The following DLGAP4 variants were observed in gnomAD, a reference collection of about 807,000 sequenced individuals.
The protein encoded by DLGAP4 is DLG associated protein 4.
Under a neutral mutation model 86.9 loss-of-function variants are expected in DLGAP4, and 18 were observed. That is an observed-to-expected ratio of 0.21 (90% CI 0.14 to 0.31). The LOEUF is 0.31. Among genes scored for constraint, DLGAP4 ranks in the 10% least tolerant of loss-of-function variants. The pLI is 1.00. For synonymous variants in DLGAP4, 548 were observed against 574.3 expected, an observed-to-expected ratio of 0.95 and a Z score of 0.65; for missense variants, 1,085 against 1,362.6, an observed-to-expected ratio of 0.80 and a Z score of 3.21.
chr20:36,420,709 C>T (rs1168348988), intron 2 of DLGAP4, among the ~76,000 whole-genome samples: 1 of 152,130 alleles, frequency 6.6e-6, no homozygotes, highest in Non-Finnish European at 1.5e-5. Flanking sequence ...TGTGGTAGCT[C>T]ACACCTGTAA....
chr20:36,461,895 C>T (rs906121942), intron 7 of DLGAP4: 2 of 984,968 alleles, frequency 2.0e-6, no homozygotes, highest in African/African-American at 3.5e-5. Context: ...CTCCCTCGCT[C>T]CCCATCTCGG....
intron 1 of DLGAP4, among the ~76,000 whole-genome samples, chr20:36,366,692 C>T (rs1394934735): frequency 2.6e-5 from 4 of 152,156 alleles, no homozygotes; most frequent in Admixed American, 6.5e-5. Flanking sequence ...ATGACTCCTA[C>T]CCCTTTCCCA....
In DLGAP4 at chr20:36,350,507, C is replaced by A. The variant is rs183341454; in HGVS notation, c.-303-16538C>A. On this transcript the variant is annotated intron_variant, in intron 1 of 12. Transcript: ENST00000339266. The surrounding 1 kb of genome is among the most constrained non-coding windows in gnomAD (Gnocchi z 4.4). ...TGCAGGTGCTTAATGAAAATGCATGCCTCACTTCCCTGGACTGTGAAATGG... is the reference window on the plus strand; with the variant it reads ...TGCAGGTGCTTAATGAAAATGCATGACTCACTTCCCTGGACTGTGAAATGG... Among the ~76,000 whole-genome samples the A allele has an allele frequency of 1.3e-5, 2 of 152,336 alleles. No homozygotes were observed. Among genetic ancestry groups the A allele is most frequent in the East Asian group, 3.9e-4 (2 of 5,184 alleles).
chr20:36,383,891 C>G lies in DLGAP4; in HGVS notation c.-73+16616C>G, dbSNP rs571334415. 5.2e-4 allele frequency among the ~76,000 whole-genome samples: 79 copies of G among 151,044 alleles called. No individual in the cohort carries two copies. The Middle Eastern group carries it at 0.01, about 20-fold the overall frequency. On this transcript the variant is annotated intron_variant, in intron 2 of 12. Transcript: ENST00000339266. ...TCGGGAGGCTGAGGCAGGAGAATGGCGTGAACCCGGGAGGCGGAGCTTGCA... is the reference window on the plus strand; with the variant it reads ...TCGGGAGGCTGAGGCAGGAGAATGGGGTGAACCCGGGAGGCGGAGCTTGCA...
At chr20:36,429,418 T>C (rs1320252879) in intron 2 of DLGAP4, among the ~76,000 whole-genome samples, 1 of 146,354 alleles carries the variant, frequency 6.8e-6, no homozygotes, top group Non-Finnish European at 1.5e-5. Context: ...TTTTTTTTTT[T>C]TTTTGAGACA....
At chr20:36,419,760 G>A (rs1041049073) in intron 2 of DLGAP4, among the ~76,000 whole-genome samples, 5 of 152,304 alleles carry the variant, frequency 3.3e-5, no homozygotes, top group South Asian at 4.1e-4. Context: ...ACAACATGGC[G>A]GCTAACTTCT....
At position 36,499,274 on chromosome 20, in the gene DLGAP4, G is replaced by A. The variant is rs779110009; in HGVS notation, c.2011-314G>A. The A allele has an allele frequency of 3.0e-5, 49 of 1,613,424 alleles. No homozygotes were observed. In the Admixed American group the frequency reaches 6.2e-4, roughly 20 times the overall value. ...CTAGAAGGAACGGTTCCCACCTCTCGGAGGACAACGGACCCAAAGCGATCG... is the reference window on the plus strand; with the variant it reads ...CTAGAAGGAACGGTTCCCACCTCTCAGAGGACAACGGACCCAAAGCGATCG... On this transcript the variant is annotated intron_variant, in intron 8 of 12. Transcript: ENST00000339266.
At chr20:36,463,663 A>C (rs140943782) in intron 7 of DLGAP4, among the ~76,000 whole-genome samples, 51 of 152,350 alleles carry the variant, frequency 3.3e-4, no homozygotes, top group African/African-American at 1.2e-3. Context: ...TCCATGTTCC[A>C]TCCCATTGTT....
chr20:36,444,641 C>A (rs1050809751), intron 6 of DLGAP4, among the ~76,000 whole-genome samples: 3 of 151,612 alleles, frequency 2.0e-5, no homozygotes, highest in Admixed American at 6.6e-5. Flanking sequence ...TAATTTTAAT[C>A]AAAAAAAATT....
At chr20:36,522,530 T>C (rs1358238242) in intron 10 of DLGAP4, among the ~76,000 whole-genome samples, 1 of 152,138 alleles carries the variant, frequency 6.6e-6, no homozygotes, top group African/African-American at 2.4e-5. Flanking sequence ...TTTTGTTTGT[T>C]TGGTTTTTGA....
At chr20:36,459,262 A>G (rs2033960925) in intron 7 of DLGAP4, among the ~76,000 whole-genome samples, 1 of 152,260 alleles carries the variant, frequency 6.6e-6, no homozygotes, top group South Asian at 2.1e-4. Flanking sequence ...ACCCTAAAGC[A>G]TCACCATCAG....
intron 10 of DLGAP4, among the ~76,000 whole-genome samples, chr20:36,515,282 T>C (rs549290613): frequency 6.6e-6 from 1 of 152,236 alleles, no homozygotes; most frequent in Non-Finnish European, 1.5e-5. Context: ...TGATCCATTC[T>C]GTTTTTCAGA....
rs546159805 is a variant in DLGAP4, at chr20:36,338,803, G to C, written c.-303-28242G>C. ...GTCGGGGCTGGGAGGTCCTCCCTGG[G>C]CAAGTGCCATTTGAGCTAAACCCTG... On this transcript the variant is annotated intron_variant, in intron 1 of 12. Transcript: ENST00000339266. Among the ~76,000 whole-genome samples the C allele has an allele frequency of 1.8e-3, 268 of 152,338 alleles. 2 individuals are homozygous for C. Among genetic ancestry groups the C allele is most frequent in the African/African-American group, 6.2e-3 (258 of 41,588 alleles).
intron 1 of DLGAP4, among the ~76,000 whole-genome samples, chr20:36,329,780 C>T (rs2065249776): frequency 1.3e-5 from 2 of 152,054 alleles, no homozygotes; most frequent in African/African-American, 4.8e-5. Flanking sequence ...CGCCTGTAAT[C>T]CCAGCACTTT....
intron 7 of DLGAP4, among the ~76,000 whole-genome samples, chr20:36,480,583 T>C (rs567612408): frequency 4.6e-5 from 7 of 152,018 alleles, no homozygotes; most frequent in Non-Finnish European, 1.0e-4. Context: ...CAGTGGTACA[T>C]GTCTGTAGTC....
intron 11 of DLGAP4, among the ~76,000 whole-genome samples, chr20:36,525,214 CTCAAAAAAAAAAAAA>C (rs2037640015): frequency 2.6e-5 from 1 of 38,296 alleles, no homozygotes. Flanking sequence ...GAGACTCCGT[CTCAAAAAAAAAAAAA>C]AAAAAAAAAA....
At chr20:36,382,795 G>T (rs1038258579) in intron 2 of DLGAP4, among the ~76,000 whole-genome samples, 1 of 151,984 alleles carries the variant, frequency 6.6e-6, no homozygotes, top group African/African-American at 2.4e-5. Context: ...CTCCCAGAGT[G>T]CTGGGATTAC....
intron 7 of DLGAP4, among the ~76,000 whole-genome samples, chr20:36,455,497 C>T (rs2033857194): frequency 6.6e-6 from 1 of 152,156 alleles, no homozygotes; most frequent in African/African-American, 2.4e-5. Flanking sequence ...GGGCTCACTC[C>T]CTGACAGTGC....
At chr20:36,364,043 G>C (rs1163568958) in intron 1 of DLGAP4, among the ~76,000 whole-genome samples, 2 of 152,208 alleles carry the variant, frequency 1.3e-5, no homozygotes, top group African/African-American at 2.4e-5. Context: ...CAGGTTCCCA[G>C]AGGATAACTG....
Sources: gnomAD v4.1 joint callset for allele counts (sites outside exome capture counted in the v4.1 genomes callset) on GRCh38, gnomAD v4.1.1 for gene constraint, Gnocchi (gnomAD v3.1) non-coding constraint, MANE v1.5 for transcripts, NCBI Gene and HGNC (gene_info 2026-07-23, HGNC 2026-07-21) for gene names.